Variants in SHANK2 observed in about 807,000 individuals in gnomAD.
SHANK2 encodes the protein SH3 and multiple ankyrin repeat domains protein 2.
SHANK2 carries 43 observed loss-of-function variants against 133.7 expected under a neutral mutation model. That is an observed-to-expected ratio of 0.32 (90% confidence interval 0.25 to 0.41). The LOEUF (loss-of-function observed/expected upper bound fraction) is 0.41. SHANK2 is among the 10% of genes least tolerant of loss of function. The pLI is 1.00. For missense variants in SHANK2, 1,994 were observed against 2,235.8 expected (o/e 0.89, Z 2.18); for synonymous variants, 1,017 against 952.8 (o/e 1.07, Z -1.24).
rs1350344796 is a variant in SHANK2, at chr11:71,089,630, T to C, written c.912+2792A>G. 1.3e-4 allele frequency among the ~76,000 whole-genome samples: 20 copies of C among 151,172 alleles called. No individual in the cohort carries two copies. In the East Asian group the frequency reaches 3.9e-3, roughly 30 times the overall value. Reference sequence around the variant, plus strand: ...ACGTTTGTGGCTGATGAGCACCCATTAGCAGTGGGTAGGGTCTGTGGTGCA... The same window carrying C: ...ACGTTTGTGGCTGATGAGCACCCATCAGCAGTGGGTAGGGTCTGTGGTGCA... On this transcript the variant is annotated intron_variant, in intron 8 of 25. Coordinates refer to ENST00000601538, the MANE Select transcript of SHANK2 (RefSeq NM_012309.5).
chr11:70,870,212 C>T (rs533367885), intron 11 of SHANK2, among the ~76,000 whole-genome samples: 2 of 152,272 alleles, frequency 1.3e-5, no homozygotes, highest in African/African-American at 4.8e-5. Flanking sequence ...GTGTGCTCCA[C>T]TTCGTTCCAG....
At chr11:70,561,953 C>T (rs1226843415) in intron 17 of SHANK2, among the ~76,000 whole-genome samples, 3 of 152,228 alleles carry the variant, frequency 2.0e-5, no homozygotes, top group African/African-American at 7.2e-5. Flanking sequence ...TGTTCCCTTA[C>T]AGACACTTTA....
chr11:70,637,076 C>T (rs200375975), intron 17 of SHANK2, among the ~76,000 whole-genome samples: 44 of 51,576 alleles, frequency 8.5e-4, no homozygotes, highest in African/African-American at 2.2e-3. Context: ...TGTGTGTGCA[C>T]GTGTGTGTGC....
At chr11:70,785,050 G>T (rs1188282414) in intron 14 of SHANK2, among the ~76,000 whole-genome samples, 3 of 152,218 alleles carry the variant, frequency 2.0e-5, no homozygotes, top group Non-Finnish European at 2.9e-5. Flanking sequence ...GGGTTTCCAT[G>T]GGGTGTCCTG....
At chr11:70,799,690 G>T (rs1555050077) in intron 13 of SHANK2, among the ~76,000 whole-genome samples, 1 of 152,158 alleles carries the variant, frequency 6.6e-6, no homozygotes, top group Non-Finnish European at 1.5e-5. Context: ...TGGCCACACA[G>T]TGACCCTGTC....
At chr11:71,140,262 C>T (rs782039146) in intron 3 of SHANK2, among the ~76,000 whole-genome samples, 1 of 152,202 alleles carries the variant, frequency 6.6e-6, no homozygotes, top group Non-Finnish European at 1.5e-5. Flanking sequence ...CAGGCTCCCA[C>T]GAGTAGAGAC....
rs199752953 is a variant in SHANK2, at chr11:71,094,644, C to A, written c.637G>T (p.Val213Phe). Residue 213 changes from valine (V) to phenylalanine (F), a missense_variant, in exon 7 of 26, where the codon GTC (valine) becomes TTC (phenylalanine). Physicochemically the swap from Val to Phe is conservative, Grantham distance 50 (BLOSUM62 -1). Around this residue, in one of 5 missense-constraint regions of SHANK2, gnomAD observed 653 missense variants for 563.4 expected, o/e 1.16. Coordinates refer to ENST00000601538, the MANE Select transcript of SHANK2 (RefSeq NM_012309.5). ...LAAQLDDSVE[V>F]IKALKNGGAH... ...CCACCATTTTTGAGAGCTTTGATGA[C>A]CTCCACAGAGTCGTCCAGCTGAGCG... The A allele has an allele frequency of 1.7e-5, 27 of 1,551,800 alleles. No homozygotes were observed. The Middle Eastern group carries it at 1.0e-3, about 58-fold the overall frequency.
At chr11:70,747,469 C>T (rs571860774) in intron 14 of SHANK2, among the ~76,000 whole-genome samples, 1 of 152,206 alleles carries the variant, frequency 6.6e-6, no homozygotes, top group Non-Finnish European at 1.5e-5. Flanking sequence ...TTCCTTGTCA[C>T]ATCCTGGAAG....
chr11:70,483,060 G>A (rs2058756991), intron 25 of SHANK2, among the ~76,000 whole-genome samples: 1 of 152,164 alleles, frequency 6.6e-6, no homozygotes. Flanking sequence ...ATGCCCTGCT[G>A]ACCTGAACAG....
At chr11:70,698,335 G>A (rs60087314) in intron 15 of SHANK2, 17,171 of 302,866 alleles carry the variant, frequency 0.057, 2,510 homozygotes, top group African/African-American at 0.32. Context: ...TGAGGCATCC[G>A]AAATACTCCC....
At chr11:71,167,790 G>A (rs1195170945) in intron 2 of SHANK2, among the ~76,000 whole-genome samples, 19 of 143,834 alleles carry the variant, frequency 1.3e-4, no homozygotes, top group Admixed American at 1.1e-3. Context: ...CTGGCCGGGC[G>A]GGGGGCTGAT....
At chr11:71,182,265 C>A (rs2135549413) in intron 2 of SHANK2, among the ~76,000 whole-genome samples, 1 of 152,306 alleles carries the variant, frequency 6.6e-6, no homozygotes, top group East Asian at 1.9e-4. Context: ...ACACACAGAG[C>A]AGAAACAGTG....
At chr11:71,132,107 G>C (rs1184166265) in intron 3 of SHANK2, among the ~76,000 whole-genome samples, 1 of 152,184 alleles carries the variant, frequency 6.6e-6, no homozygotes, top group East Asian at 1.9e-4. Context: ...GGCTGCTGCC[G>C]GGACGCAGAT....
At chr11:70,898,451 C>A (rs1949973903) in intron 10 of SHANK2, among the ~76,000 whole-genome samples, 1 of 151,850 alleles carries the variant, frequency 6.6e-6, no homozygotes, top group African/African-American at 2.4e-5. Context: ...GAGGTGCATG[C>A]TAGAAATATG....
At chr11:71,126,724 ACTT>A (rs1952195806) in intron 3 of SHANK2, among the ~76,000 whole-genome samples, 1 of 136,656 alleles carries the variant, frequency 7.3e-6, no homozygotes, top group African/African-American at 3.2e-5. Context: ...CTCATAAACG[ACTT>A]TTTTTTTTTT....
intron 1 of SHANK2, among the ~76,000 whole-genome samples, chr11:71,230,941 A>C (rs1954731587): frequency 6.6e-6 from 1 of 152,270 alleles, no homozygotes; most frequent in Non-Finnish European, 1.5e-5. Context: ...TCATGAACTT[A>C]CATGTAAAAT....
chr11:70,476,635 A>T (rs2058668249), intron 25 of SHANK2, among the ~76,000 whole-genome samples: 1 of 152,218 alleles, frequency 6.6e-6, no homozygotes, highest in Non-Finnish European at 1.5e-5. Flanking sequence ...AGGGCCAAGG[A>T]CCTTGGGGCA....
intron 14 of SHANK2, among the ~76,000 whole-genome samples, chr11:70,715,053 C>T (rs1945879063): frequency 6.6e-6 from 1 of 152,082 alleles, no homozygotes. Context: ...AATCCCCCCA[C>T]CTCAGCCTCC....
chr11:70,529,809 C>T (rs549479269), intron 17 of SHANK2, among the ~76,000 whole-genome samples: 3 of 152,322 alleles, frequency 2.0e-5, no homozygotes, highest in South Asian at 2.1e-4. Flanking sequence ...TCATGCCTGG[C>T]GTCTTTCACC....
Sources: gnomAD v4.1 joint callset for allele counts (sites outside exome capture counted in the v4.1 genomes callset) on GRCh38, gnomAD v4.1.1 for gene constraint, gnomAD v4.1.1 regional missense constraint, MANE v1.5 for transcripts, NCBI Gene and HGNC (gene_info 2026-07-23, HGNC 2026-07-21) for gene names.